Variants in SFXN2 observed in about 807,000 individuals in gnomAD.
SFXN2 encodes sideroflexin-2.
A neutral mutation model predicts 41.9 loss-of-function variants in SFXN2; 37 were observed. That is an observed-to-expected ratio of 0.88 (90% CI 0.68 to 1.16). The LOEUF (loss-of-function observed/expected upper bound fraction) is 1.16, where lower values mean the gene tolerates loss of function less well. Among genes scored for constraint, SFXN2 ranks in the 50% most tolerant of loss-of-function variants. SFXN2 has a pLI of 0.00. For missense variants in SFXN2, 386 were observed against 425.2 expected (o/e 0.91, Z 0.81); for synonymous variants, 150 against 156.7 (o/e 0.96, Z 0.32).
intron 11 of SFXN2, among the ~76,000 whole-genome samples, chr10:102,736,574 G>T (rs1452274606): frequency 6.6e-6 from 1 of 151,938 alleles, no homozygotes; most frequent in Non-Finnish European, 1.5e-5. Context: ...GTGCCACCAC[G>T]CACAGCTAAT....
intron 1 of SFXN2, among the ~76,000 whole-genome samples, chr10:102,718,329 A>T (rs1255402781): frequency 6.6e-6 from 1 of 152,256 alleles, no homozygotes; most frequent in Non-Finnish European, 1.5e-5. Flanking sequence ...CATTTTGCTC[A>T]GTCAGGCTGT....
intron 5 of SFXN2, 57 bp from the exon 6 acceptor site, chr10:102,729,665 CT>C: frequency 6.5e-7 from 1 of 1,541,960 alleles, no homozygotes; most frequent in Non-Finnish European, 8.9e-7. Context: ...GTTCAGCCCC[CT>C]CCCCTCCCAT....
chr10:102,722,185 C>T (rs982784346), intron 1 of SFXN2, among the ~76,000 whole-genome samples: 13 of 152,154 alleles, frequency 8.5e-5, no homozygotes, highest in Admixed American at 2.6e-4. Flanking sequence ...CATTTAAAAG[C>T]GTCAGCTTTT....
At position 102,741,416 on chromosome 10, in the gene SFXN2, T is replaced by C. The variant is rs983192814; in HGVS notation, c.*3654T>C. The stretch of plus-strand genomic sequence containing the variant: ...TTTCCTGAGTTCGGCTAGAATAGCA[T>C]GGGTAAAAGGTTCCATTGCTCGGGA... On this transcript the variant is annotated 3_prime_UTR_variant, in exon 12 of 12. Transcript: ENST00000369893. 1 of 152,130 alleles carries C rather than the reference T, an allele frequency of 6.6e-6. No homozygotes were observed. Among genetic ancestry groups the C allele is most frequent in the African/African-American group, 2.4e-5 (1 of 41,408 alleles). The allele number at this position is 152,130 out of a possible 1,614,324, so 9.4% of individuals were successfully genotyped here.
At position 102,742,488 on chromosome 10, in the gene SFXN2, C is replaced by G. The variant is rs1164915505; in HGVS notation, c.*4726C>G. ...TTTTTTTTTTTGAGACAGGGTCTCA[C>G]TCTGTTGCCCAGGCTGGAGTACAGT... On this transcript the variant is annotated 3_prime_UTR_variant, in exon 12 of 12. Transcript: ENST00000369893. The G allele has an allele frequency of 6.7e-6, 1 of 149,968 alleles. No individual in the cohort carries two copies. Among genetic ancestry groups the G allele is most frequent in the African/African-American group, 2.5e-5 (1 of 40,288 alleles). The allele number at this position is 149,968 out of a possible 1,614,324, so 9.3% of individuals were successfully genotyped here. A position where few individuals can be genotyped will look rare whatever the true frequency, so the allele number is the denominator to read the frequency against.
intron 1 of SFXN2, among the ~76,000 whole-genome samples, chr10:102,721,351 C>A (rs2064506037): frequency 6.6e-6 from 1 of 151,432 alleles, no homozygotes; most frequent in African/African-American, 2.4e-5. Context: ...CTCCACTCTA[C>A]CCTGGGCAAC....
rs984196985 is a variant in SFXN2 at position 102,743,092 on chromosome 10, G to T, written c.*5330G>T. On this transcript the variant is annotated 3_prime_UTR_variant, in exon 12 of 12. Transcript: ENST00000369893. Reference sequence around the variant, plus strand: ...CGAAGTCACAGAGAGGACCGTGTTGGGAAGTTTGGACTCTCTATTCTGTAG... The same window carrying T: ...CGAAGTCACAGAGAGGACCGTGTTGTGAAGTTTGGACTCTCTATTCTGTAG... 8 of 152,220 alleles carry T rather than the reference G, an allele frequency of 5.3e-5. No homozygotes were observed. The highest frequency in any genetic ancestry group is 1.9e-4 in the African/African-American group (8 of 41,454). 9.4% of individuals were successfully genotyped at this position (152,220 alleles called of 1,614,324 possible).
intron 1 of SFXN2, chr10:102,716,678 C>G (rs2064421089): frequency 6.7e-6 from 1 of 149,790 alleles, no homozygotes; most frequent in African/African-American, 2.5e-5. Flanking sequence ...AAACGATTCT[C>G]CTGCCTTAGC....
At chr10:102,722,648 C>A (rs943696561) in intron 1 of SFXN2, among the ~76,000 whole-genome samples, 10 of 152,012 alleles carry the variant, frequency 6.6e-5, no homozygotes, top group Admixed American at 6.6e-4. Context: ...TCAAGCAGTC[C>A]CCGCACCTCA....
chr10:102,718,473 G>T (rs1050037115), intron 1 of SFXN2, among the ~76,000 whole-genome samples: 1 of 152,244 alleles, frequency 6.6e-6, no homozygotes. Context: ...TGCTTCAGCT[G>T]GGACTGAGAT....
At chr10:102,729,478 C>T in intron 5 of SFXN2, 84 bp downstream of exon 5, 1 of 1,494,604 alleles carries the variant, frequency 6.7e-7, no homozygotes, top group Non-Finnish European at 9.2e-7. Flanking sequence ...AGGGACAGTT[C>T]CCCAGGCTGG....
intron 10 of SFXN2, 130 bp from the exon 11 acceptor site, chr10:102,735,732 G>C: frequency 1.1e-6 from 1 of 878,710 alleles, no homozygotes; most frequent in Non-Finnish European, 1.9e-6. Context: ...GAGGGTTGGA[G>C]GGAGAGGATA....
chr10:102,731,809 G>C, intron 7 of SFXN2, 26 bp downstream of exon 7: 2 of 1,603,446 alleles, frequency 1.2e-6, no homozygotes, highest in Non-Finnish European at 1.7e-6. Context: ...CCTTTGGGGT[G>C]GGAGGAGGGA....
At chr10:102,731,286 A>AG (rs1564745196) in intron 6 of SFXN2, among the ~76,000 whole-genome samples, 1 of 150,154 alleles carries the variant, frequency 6.7e-6, no homozygotes, top group African/African-American at 2.4e-5. Context: ...AAAAAAAAAA[A>AG]GGAATAGCTA....
At chr10:102,732,833 C>G (rs1415884083) in intron 8 of SFXN2, 26 bp from the exon 9 acceptor site, 1 of 1,614,054 alleles carries the variant, frequency 6.2e-7, no homozygotes, top group African/African-American at 1.3e-5. Context: ...CAGCCCTCCC[C>G]TCAGCTTCTC....
chr10:102,733,201 G>T (rs1274629130), intron 9 of SFXN2, among the ~76,000 whole-genome samples: 1 of 152,200 alleles, frequency 6.6e-6, no homozygotes. Context: ...AGGCTGGAGT[G>T]CAGTGGCGCG....
In SFXN2 at chr10:102,727,134, G is replaced by A. The variant is rs748205519; in HGVS notation, c.309G>A (p.Thr103=). 1.9e-5 allele frequency: 31 copies of A among 1,603,942 alleles called. No individual in the cohort carries two copies. Among genetic ancestry groups the A allele is most frequent in the Middle Eastern group, 3.3e-4 (2 of 6,042 alleles). Residue 103 remains threonine (T), a synonymous_variant, in exon 3 of 12, where the codon ACG becomes ACA. Coordinates refer to ENST00000369893, the MANE Select transcript of SFXN2 (RefSeq NM_178858.6). ...AGCTTCCTGGCGGCATGATCATCAC[G>A]GGCTTCATGCTCCAGTTCTACAGGT... ...SFQLPGGMII[T]GFMLQFYRTM... is the part of the protein sequence containing the mutation.
Position 102,738,393 on chromosome 10 carries a change from T to C in SFXN2, c.*631T>C, listed in dbSNP as rs2064808413. The C allele has an allele frequency of 6.6e-6, 1 of 152,176 alleles. No individual in the cohort carries two copies. The highest frequency in any genetic ancestry group is 1.5e-5 in the Non-Finnish European group (1 of 68,116). 9.4% of individuals were successfully genotyped at this position (152,176 alleles called of 1,614,324 possible). On this transcript the variant is annotated 3_prime_UTR_variant, in exon 12 of 12. Transcript: ENST00000369893. ...CTCACTGCAAACTCTGCCTCCTGGA[T>C]TCAAGCGATTCTCCTGCCTCAGCCT...
intron 1 of SFXN2, among the ~76,000 whole-genome samples, chr10:102,723,172 T>C (rs1444401119): frequency 6.6e-6 from 1 of 151,752 alleles, no homozygotes; most frequent in Non-Finnish European, 1.5e-5. Context: ...TCTCAAACTT[T>C]TGACCTCAGG....
Sources: allele counts gnomAD v4.1 joint callset (sites outside exome capture counted in the v4.1 genomes callset), GRCh38; gene constraint gnomAD v4.1.1; transcripts MANE v1.5; gene names NCBI Gene and HGNC (gene_info 2026-07-23, HGNC 2026-07-21).